Variants in GGTA1 observed in about 807,000 individuals in gnomAD.
The protein encoded by GGTA1 is inactive N-acetyllactosaminide alpha-1,3-galactosyltransferase.
In GGTA1, 5 loss-of-function variants were observed where a neutral mutation model predicts 2.6. That is an observed-to-expected ratio of 1.92 (90% CI 1.00 to 4.04). GGTA1 has a LOEUF of 4.04. GGTA1 is among the 30% of genes most tolerant of loss of function. GGTA1 has a pLI of 0.00. For missense variants in GGTA1, 50 were observed against 16.7 expected (o/e 2.99, Z -3.47); for synonymous variants, 17 against 5.0 (o/e 3.38, Z -3.19).
At chr9:121,469,695 T>C (rs958582452) in intron 1 of GGTA1, among the ~76,000 whole-genome samples, 3 of 152,194 alleles carry the variant, frequency 2.0e-5, no homozygotes, top group African/African-American at 7.2e-5. Flanking sequence ...GCTGAGGAGA[T>C]AATGTCCTCT....
chr9:121,482,527 G>A (rs1333325419), intron 1 of GGTA1, among the ~76,000 whole-genome samples: 1 of 152,180 alleles, frequency 6.6e-6, no homozygotes, highest in East Asian at 1.9e-4. Context: ...CCAGCACTTT[G>A]AGAGGCTGAG....
intron 2 of GGTA1, among the ~76,000 whole-genome samples, chr9:121,465,158 G>C (rs956406109): frequency 6.6e-6 from 1 of 152,252 alleles, no homozygotes; most frequent in Non-Finnish European, 1.5e-5. Context: ...ACCATGCAGA[G>C]AGAGTGTGCC....
chr9:121,449,839 CAAAAAA>C (rs35123086), intron 7 of GGTA1, among the ~76,000 whole-genome samples: 12 of 94,352 alleles, frequency 1.3e-4, no homozygotes, highest in Admixed American at 9.4e-4. Context: ...GACTCCATCT[CAAAAAA>C]AAAAAAAAAA....
At chr9:121,453,760 G>A (rs2064890965), downstream of GGTA1, among the ~76,000 whole-genome samples, 2 of 152,204 alleles carry the variant, frequency 1.3e-5, no homozygotes, top group Non-Finnish European at 2.9e-5. Flanking sequence ...GGCCAGTGGA[G>A]GCCTGGGTTT....
At chr9:121,474,518 A>G (rs1309540100) in intron 1 of GGTA1, among the ~76,000 whole-genome samples, 1 of 152,170 alleles carries the variant, frequency 6.6e-6, no homozygotes, top group Non-Finnish European at 1.5e-5. Context: ...AGTGTCAGAC[A>G]GACTTTTCCA....
intron 1 of GGTA1, among the ~76,000 whole-genome samples, chr9:121,487,128 C>T (rs902103065): frequency 9.2e-5 from 14 of 152,184 alleles, no homozygotes; most frequent in African/African-American, 3.4e-4. Context: ...CCACCAGCTG[C>T]ACCCAGATTC....
At chr9:121,470,349 G>A (rs4837859) in intron 1 of GGTA1, among the ~76,000 whole-genome samples, 78,238 of 151,558 alleles carry the variant, frequency 0.52, 20,737 homozygotes, top group South Asian at 0.66. Context: ...GACAATTGTA[G>A]CATTTTCTGA....
chr9:121,451,758 C>G (rs574548745), downstream of GGTA1, among the ~76,000 whole-genome samples: 2 of 152,098 alleles, frequency 1.3e-5, no homozygotes, highest in African/African-American at 4.8e-5. Context: ...GGTCCTGGGC[C>G]GTAGAGCATA....
At chr9:121,446,874 T>C (rs756701043) in exon 8 of GGTA1, 19 of 152,234 alleles carry the variant, frequency 1.2e-4, no homozygotes, top group Non-Finnish European at 2.1e-4. Context: ...ATTTCTCTCT[T>C]AAATTCAGAA....
chr9:121,483,144 A>G (rs1828688963), intron 1 of GGTA1, among the ~76,000 whole-genome samples: 1 of 152,136 alleles, frequency 6.6e-6, no homozygotes, highest in African/African-American at 2.4e-5. Context: ...TCTCTCTTTT[A>G]TCTCAATGGA....
At chr9:121,457,261 T>C (rs2064919206) in intron 5 of GGTA1, among the ~76,000 whole-genome samples, 1 of 152,130 alleles carries the variant, frequency 6.6e-6, no homozygotes, top group African/African-American at 2.4e-5. Flanking sequence ...ATTCTGGCCA[T>C]GTGAGACATG....
At chr9:121,459,377 A>C (rs1391079246) in intron 5 of GGTA1, among the ~76,000 whole-genome samples, 1 of 152,204 alleles carries the variant, frequency 6.6e-6, no homozygotes, top group Admixed American at 6.5e-5. Flanking sequence ...TCAAGGCTGC[A>C]GTGAGCCACG....
At chr9:121,477,411 A>T (rs1004488627) in intron 1 of GGTA1, among the ~76,000 whole-genome samples, 1 of 152,176 alleles carries the variant, frequency 6.6e-6, no homozygotes, top group South Asian at 2.1e-4. Context: ...CAGTTAAGTA[A>T]TACTAATCAT....
chr9:121,450,960 C>T (rs2064875341), downstream of GGTA1, among the ~76,000 whole-genome samples: 1 of 152,072 alleles, frequency 6.6e-6, no homozygotes, highest in African/African-American at 2.4e-5. Context: ...TTTTAAGCCC[C>T]ACCTTGGCAA....
intron 1 of GGTA1, among the ~76,000 whole-genome samples, chr9:121,490,578 C>G (rs563377541): frequency 6.6e-6 from 1 of 152,232 alleles, no homozygotes; most frequent in Non-Finnish European, 1.5e-5. Flanking sequence ...CATTCACTTA[C>G]ACCTGGAATG....
intron 1 of GGTA1, among the ~76,000 whole-genome samples, chr9:121,468,955 G>A (rs1238284837): frequency 6.6e-6 from 1 of 152,166 alleles, no homozygotes; most frequent in Admixed American, 6.5e-5. Flanking sequence ...TTGGTATAGT[G>A]ATAACACATT....
intron 1 of GGTA1, among the ~76,000 whole-genome samples, chr9:121,483,604 C>T (rs773005525): frequency 7.9e-5 from 12 of 152,180 alleles, no homozygotes; most frequent in Non-Finnish European, 1.6e-4. Context: ...TGTCCAGCCC[C>T]GAGTTGATTA....
chr9:121,465,627 G>A (rs2065000152), intron 2 of GGTA1, among the ~76,000 whole-genome samples: 1 of 131,526 alleles, frequency 7.6e-6, no homozygotes, highest in Non-Finnish European at 1.8e-5. Flanking sequence ...TCCATCACGT[G>A]TGGATACAGG....
downstream of GGTA1, among the ~76,000 whole-genome samples, chr9:121,454,223 A>G (rs1257448946): frequency 6.6e-6 from 1 of 152,196 alleles, no homozygotes; most frequent in Non-Finnish European, 1.5e-5. Flanking sequence ...TCCTTCAATC[A>G]TGAAAGAAGC....
Sources: allele counts gnomAD v4.1 joint callset (sites outside exome capture counted in the v4.1 genomes callset), GRCh38; gene constraint gnomAD v4.1.1; transcripts MANE v1.5; gene names NCBI Gene and HGNC (gene_info 2026-07-23, HGNC 2026-07-21).